DNER: variants seen among roughly 807,000 people sequenced by gnomAD.
DNER encodes delta/notch like EGF repeat containing.
DNER carries 33 observed loss-of-function variants against 78.2 expected under a neutral mutation model. The observed-to-expected ratio is 0.42, with a 90% CI of 0.32 to 0.56. The LOEUF (loss-of-function observed/expected upper bound fraction) is 0.56, where lower values mean the gene tolerates loss of function less well. Ranked by LOEUF, DNER falls within the 20% of genes least tolerant of loss-of-function variation. DNER has a pLI of 0.11. For missense variants in DNER, 918 were observed against 975.3 expected (o/e 0.94, Z 0.78); for synonymous variants, 417 against 384.8 (o/e 1.08, Z -0.98).
intron 12 of DNER, among the ~76,000 whole-genome samples, chr2:229,365,532 G>A (rs546947738): frequency 1.9e-4 from 29 of 152,240 alleles, no homozygotes; most frequent in African/African-American, 6.7e-4. Context: ...CGATTCCCAG[G>A]TTCAAGCGAT....
chr2:229,540,248 G>A (rs1156713552), intron 5 of DNER, among the ~76,000 whole-genome samples: 1 of 152,036 alleles, frequency 6.6e-6, no homozygotes, highest in African/African-American at 2.4e-5. Context: ...GGCCAGTGAG[G>A]CAATAAGCAT....
At chr2:229,549,588 C>T (rs904117682) in intron 4 of DNER, among the ~76,000 whole-genome samples, 1 of 152,168 alleles carries the variant, frequency 6.6e-6, no homozygotes, top group African/African-American at 2.4e-5. Context: ...CATGAGCCAC[C>T]ACATCCAGCC....
At chr2:229,400,326 T>C (rs1693240894) in intron 10 of DNER, among the ~76,000 whole-genome samples, 1 of 152,040 alleles carries the variant, frequency 6.6e-6, no homozygotes, top group South Asian at 2.1e-4. Flanking sequence ...ATGCACTTCC[T>C]CACTTTGTCA....
intron 7 of DNER, among the ~76,000 whole-genome samples, chr2:229,465,393 T>C (rs2154210975): frequency 6.6e-6 from 1 of 152,078 alleles, no homozygotes; most frequent in Middle Eastern, 3.4e-3. Context: ...GAACACGTGA[T>C]CACAGGGAAG....
In DNER at chr2:229,647,459, C is replaced by T. The variant is rs780149125; in HGVS notation, c.277-55571G>A. On this transcript the variant is annotated intron_variant, in intron 1 of 12. Transcript: ENST00000341772. The stretch of plus-strand genomic sequence containing the variant: ...ACATCATTGCAGGTGGGAACATAAA[C>T]CCGGAAATGCTTATAGACTGCAATC... Among the ~76,000 whole-genome samples, 37 of 152,248 alleles carry T rather than the reference C, an allele frequency of 2.4e-4. 1 individual carries two copies. In the Middle Eastern group the frequency reaches 0.01, roughly 42 times the overall value.
chr2:229,710,988 C>T (rs989350303), intron 1 of DNER, among the ~76,000 whole-genome samples: 2 of 149,038 alleles, frequency 1.3e-5, no homozygotes, highest in South Asian at 4.3e-4. Flanking sequence ...CACGCGCACA[C>T]ACACACACAC....
At chr2:229,417,828 T>A (rs1467924912) in intron 9 of DNER, among the ~76,000 whole-genome samples, 10 of 152,152 alleles carry the variant, frequency 6.6e-5, no homozygotes. Flanking sequence ...CAGTCCATCT[T>A]AATATTACTT....
At chr2:229,676,037 T>C (rs1333021376) in intron 1 of DNER, among the ~76,000 whole-genome samples, 1 of 152,192 alleles carries the variant, frequency 6.6e-6, no homozygotes, top group African/African-American at 2.4e-5. Flanking sequence ...TCTCACAAGT[T>C]CTGGAAGGTG....
intron 1 of DNER, among the ~76,000 whole-genome samples, chr2:229,628,859 T>C (rs1698389722): frequency 6.6e-6 from 1 of 152,208 alleles, no homozygotes; most frequent in African/African-American, 2.4e-5. Flanking sequence ...GTCTAGCCTC[T>C]TCTTTGTCTC....
At chr2:229,383,758 A>G (rs1692798370) in intron 11 of DNER, among the ~76,000 whole-genome samples, 1 of 152,212 alleles carries the variant, frequency 6.6e-6, no homozygotes, top group African/African-American at 2.4e-5. Flanking sequence ...AGATTCATAA[A>G]GCAAGTTCTT....
chr2:229,677,298 C>T (rs1559205632), intron 1 of DNER, among the ~76,000 whole-genome samples: 1 of 152,144 alleles, frequency 6.6e-6, no homozygotes, highest in Non-Finnish European at 1.5e-5. Context: ...GTGCCATCTC[C>T]ACCCAACATC....
intron 11 of DNER, among the ~76,000 whole-genome samples, chr2:229,374,032 A>G (rs1027517514): frequency 6.6e-6 from 1 of 152,120 alleles, no homozygotes; most frequent in Admixed American, 6.5e-5. Context: ...GCCAGGTGTC[A>G]TGGTACATTT....
intron 1 of DNER, among the ~76,000 whole-genome samples, chr2:229,658,527 G>T (rs1171712703): frequency 6.6e-6 from 1 of 152,162 alleles, no homozygotes; most frequent in East Asian, 1.9e-4. Context: ...AATTAAAAAT[G>T]AAGACTTGCC....
At chr2:229,622,050 C>T (rs1283399405) in intron 1 of DNER, among the ~76,000 whole-genome samples, 1 of 152,160 alleles carries the variant, frequency 6.6e-6, no homozygotes, top group African/African-American at 2.4e-5. Context: ...CGCGCCGCTG[C>T]CCTCCAGCCT....
chr2:229,600,913 G>C (rs900164625), intron 1 of DNER, among the ~76,000 whole-genome samples: 3 of 152,164 alleles, frequency 2.0e-5, no homozygotes, highest in Non-Finnish European at 4.4e-5. Context: ...GTTGGAGAGG[G>C]GGACTACAGC....
chr2:229,657,842 G>T (rs1698936687), intron 1 of DNER, among the ~76,000 whole-genome samples: 1 of 152,148 alleles, frequency 6.6e-6, no homozygotes, highest in Admixed American at 6.5e-5. Flanking sequence ...AATCCATTCA[G>T]GAGTGCGATG....
At chr2:229,516,320 T>C (rs1361729998) in intron 5 of DNER, among the ~76,000 whole-genome samples, 2 of 152,212 alleles carry the variant, frequency 1.3e-5, no homozygotes, top group African/African-American at 4.8e-5. Context: ...TAGGAAACTA[T>C]GTTCGCACAT....
At chr2:229,402,554 T>C (rs1218392091) in intron 10 of DNER, among the ~76,000 whole-genome samples, 1 of 152,202 alleles carries the variant, frequency 6.6e-6, no homozygotes, top group African/African-American at 2.4e-5. Context: ...AGTAACATCA[T>C]TCTACCTTTA....
chr2:229,699,664 C>G (rs1380119181), intron 1 of DNER, among the ~76,000 whole-genome samples: 1 of 152,202 alleles, frequency 6.6e-6, no homozygotes, highest in Non-Finnish European at 1.5e-5. Flanking sequence ...CCACGTCCAG[C>G]TTTAATTGTA....
Sources: allele counts gnomAD v4.1 joint callset (sites outside exome capture counted in the v4.1 genomes callset), GRCh38; gene constraint gnomAD v4.1.1; transcripts MANE v1.5; gene names NCBI Gene and HGNC (gene_info 2026-07-23, HGNC 2026-07-21).